Variants in ABCC4 observed in about 807,000 individuals in gnomAD.
ABCC4 encodes the protein ATP-binding cassette sub-family C member 4.
In ABCC4, 102 loss-of-function variants were observed where a neutral mutation model predicts 168.5. The observed-to-expected ratio is 0.61, with a 90% CI of 0.52 to 0.71. The LOEUF is 0.71. Ranked by LOEUF, ABCC4 falls within the 30% of genes least tolerant of loss-of-function variation. The pLI is 0.00. For missense variants in ABCC4, 1,402 were observed against 1,605.8 expected (o/e 0.87, Z 2.17); for synonymous variants, 617 against 590.7 (o/e 1.04, Z -0.65).
chr13:95,025,385 T>A (rs746904121), intron 30 of ABCC4, among the ~76,000 whole-genome samples: 2 of 3,896 alleles, frequency 5.1e-4, no homozygotes, highest in Non-Finnish European at 8.1e-4. Context: ...ACACACACCC[T>A]CCCACCCCCA....
intron 8 of ABCC4, among the ~76,000 whole-genome samples, chr13:95,205,682 A>T (rs1486353574): frequency 1.3e-5 from 2 of 152,220 alleles, no homozygotes; most frequent in Non-Finnish European, 2.9e-5. Flanking sequence ...TGCCTGTTCT[A>T]AATTCACAGG....
intron 11 of ABCC4, among the ~76,000 whole-genome samples, chr13:95,181,566 T>C (rs1244878998): frequency 6.6e-6 from 1 of 152,230 alleles, no homozygotes; most frequent in Non-Finnish European, 1.5e-5. Context: ...TGTTTATGTG[T>C]GTACTCAGCT....
chr13:95,130,998 T>C (rs992545337), intron 19 of ABCC4, among the ~76,000 whole-genome samples: 1 of 152,188 alleles, frequency 6.6e-6, no homozygotes, highest in African/African-American at 2.4e-5. Flanking sequence ...ATCACTTTTG[T>C]AGACTCTTGC....
At chr13:95,187,480 G>C (rs9561801) in intron 10 of ABCC4, among the ~76,000 whole-genome samples, 15,527 of 152,134 alleles carry the variant, frequency 0.1, 961 homozygotes, top group East Asian at 0.2. Context: ...TGGCACGCCT[G>C]TAATCCCAGC....
intron 1 of ABCC4, among the ~76,000 whole-genome samples, chr13:95,273,217 G>T (rs1665274260): frequency 6.6e-6 from 1 of 152,194 alleles, no homozygotes; most frequent in African/African-American, 2.4e-5. Flanking sequence ...AATAGCACAT[G>T]TGTTACAATT....
intron 19 of ABCC4, 70 bp downstream of exon 19, chr13:95,161,119 G>A: frequency 8.3e-7 from 1 of 1,203,662 alleles, no homozygotes; most frequent in Non-Finnish European, 1.1e-6. Context: ...TTCAAAGATG[G>A]AAATGTAATC....
chr13:95,118,781 T>C (rs994084559), intron 19 of ABCC4, among the ~76,000 whole-genome samples: 1 of 152,256 alleles, frequency 6.6e-6, no homozygotes, highest in Non-Finnish European at 1.5e-5. Context: ...ATTTTCGGAC[T>C]GTTCTGTTAG....
chr13:95,234,875 A>G (rs1173895175), intron 3 of ABCC4, 41 bp from the exon 4 acceptor site: 4 of 1,336,244 alleles, frequency 3.0e-6, no homozygotes, highest in Admixed American at 5.1e-5. Context: ...AGACATACAG[A>G]CCACACCATT....
intron 30 of ABCC4, among the ~76,000 whole-genome samples, chr13:95,029,203 TATATATATATAGAGAGAG>T (rs1566355422): frequency 6.9e-5 from 4 of 57,746 alleles, no homozygotes; most frequent in African/African-American, 2.6e-4. Context: ...TATATATATA[TATATATATATAGAGAGAG>T]AGAGAGAGAG....
intron 1 of ABCC4, among the ~76,000 whole-genome samples, chr13:95,255,211 G>A (rs761055407): frequency 2.6e-5 from 4 of 152,154 alleles, no homozygotes; most frequent in Non-Finnish European, 5.9e-5. Context: ...GTAGCCCACC[G>A]CCAGCACACT....
intron 20 of ABCC4, chr13:95,096,237 A>C: frequency 1.7e-6 from 1 of 600,396 alleles, no homozygotes; most frequent in Non-Finnish European, 2.9e-6. Flanking sequence ...GGATAAGAGA[A>C]AGAATCAATG....
intron 19 of ABCC4, among the ~76,000 whole-genome samples, chr13:95,155,603 T>A (rs763022873): frequency 4.6e-5 from 7 of 152,164 alleles, no homozygotes; most frequent in Non-Finnish European, 7.3e-5. Context: ...TTTGTTACAC[T>A]GTTGAAGGCA....
intron 1 of ABCC4, among the ~76,000 whole-genome samples, chr13:95,259,153 G>A (rs2040464988): frequency 6.6e-6 from 1 of 152,188 alleles, no homozygotes; most frequent in African/African-American, 2.4e-5. Flanking sequence ...TTAGGAGGCT[G>A]AGGCAGGTGG....
chr13:95,149,410 T>C (rs1256939133), intron 19 of ABCC4, among the ~76,000 whole-genome samples: 1 of 152,192 alleles, frequency 6.6e-6, no homozygotes, highest in Admixed American at 6.5e-5. Context: ...ATAGAGAAGA[T>C]TTATATTCGC....
In ABCC4 at chr13:95,178,099, G is replaced by A. The variant is rs766662216; in HGVS notation, c.1546-8C>T. The A allele has an allele frequency of 2.1e-5, 34 of 1,612,462 alleles. No individual in the cohort carries two copies. Among genetic ancestry groups the A allele is most frequent in the Non-Finnish European group, 2.7e-5 (32 of 1,178,626 alleles). On this transcript the variant is annotated splice_region_variant and splice_polypyrimidine_tract_variant and intron_variant, in intron 11 of 30. Transcript: ENST00000645237. ...CTCCAACAGCTGTAAATCCTGTATG[G>A]ACAAAGGAAAGAAGGGGGGAAAAAG...
In ABCC4 at chr13:95,044,446, T is replaced by G. The variant is rs2032491337; in HGVS notation, c.3457-8A>C. The G allele has an allele frequency of 6.2e-7, 1 of 1,600,092 alleles. No individual in the cohort carries two copies. The stretch of plus-strand genomic sequence containing the variant: ...GGTTTCTTTAAGTTGTACCTGTAGA[T>G]GTACAAAGAAGAATGACTGCTATCA... On this transcript the variant is annotated splice_region_variant and splice_polypyrimidine_tract_variant and intron_variant, in intron 27 of 30. Coordinates refer to ENST00000645237, the MANE Select transcript of ABCC4 (RefSeq NM_005845.5).
At chr13:95,224,196 A>T (rs1207170579) in intron 4 of ABCC4, among the ~76,000 whole-genome samples, 2 of 151,490 alleles carry the variant, frequency 1.3e-5, no homozygotes, top group Admixed American at 1.3e-4. Flanking sequence ...AGAAAAAAAA[A>T]TCAACCCAAA....
chr13:95,139,083 C>T (rs1260007653), intron 19 of ABCC4, among the ~76,000 whole-genome samples: 1 of 152,244 alleles, frequency 6.6e-6, no homozygotes, highest in East Asian at 1.9e-4. Context: ...CTGCTTACTG[C>T]GCATCCATCT....
At chr13:95,297,404 C>T (rs1289958167) in intron 1 of ABCC4, among the ~76,000 whole-genome samples, 1 of 152,044 alleles carries the variant, frequency 6.6e-6, no homozygotes, top group Non-Finnish European at 1.5e-5. Context: ...ACCAAAATCC[C>T]GGGAAAATAC....
Sources: gnomAD v4.1 joint callset for allele counts (sites outside exome capture counted in the v4.1 genomes callset) on GRCh38, gnomAD v4.1.1 for gene constraint, MANE v1.5 for transcripts, NCBI Gene and HGNC (gene_info 2026-07-23, HGNC 2026-07-21) for gene names.